The following PCDH15 variants were observed in gnomAD, a reference collection of about 807,000 sequenced individuals.
The protein encoded by PCDH15 is protocadherin related 15.
A neutral mutation model predicts 178.5 loss-of-function variants in PCDH15; 129 were observed. The observed-to-expected ratio is 0.72, with a 90% CI of 0.63 to 0.84. The LOEUF (loss-of-function observed/expected upper bound fraction) is 0.84. Ranked by LOEUF, PCDH15 falls within the 40% of genes least tolerant of loss-of-function variation. The probability of loss-of-function intolerance (pLI) is 0.00; values close to 1 mark genes in which losing one functional copy is unlikely to be tolerated. For missense variants in PCDH15, 2,230 were observed against 2,099.9 expected (o/e 1.06, Z -1.21); for synonymous variants, 800 against 732.0 (o/e 1.09, Z -1.50).
At chr10:55,408,374 C>CG (rs1457407382) in intron 2 of PCDH15, among the ~76,000 whole-genome samples, 1 of 151,758 alleles carries the variant, frequency 6.6e-6, no homozygotes. Flanking sequence ...TTAGTAGAGA[C>CG]GGGGATTCAC....
At chr10:54,523,582 A>T (rs1398367305) in intron 3 of PCDH15, among the ~76,000 whole-genome samples, 8 of 152,172 alleles carry the variant, frequency 5.3e-5, no homozygotes, top group Non-Finnish European at 1.2e-4. Context: ...TGAATTACAT[A>T]AGTAATTCAA....
intron 21 of PCDH15, among the ~76,000 whole-genome samples, chr10:53,970,278 G>A (rs1421714909): frequency 6.6e-6 from 1 of 152,046 alleles, no homozygotes; most frequent in Non-Finnish European, 1.5e-5. Context: ...ATTACATAAT[G>A]GTAAAGGGAT....
chr10:54,124,970 G>T (rs2132934735), intron 15 of PCDH15, among the ~76,000 whole-genome samples: 1 of 152,340 alleles, frequency 6.6e-6, no homozygotes, highest in Admixed American at 6.5e-5. Context: ...CAAGGCAGCA[G>T]AAATTTTTCC....
intron 13 of PCDH15, among the ~76,000 whole-genome samples, chr10:54,166,846 A>G (rs1482959373): frequency 6.6e-6 from 1 of 152,116 alleles, no homozygotes; most frequent in African/African-American, 2.4e-5. Flanking sequence ...TCCTTGCCTT[A>G]AGTGATGACA....
intron 1 of PCDH15, among the ~76,000 whole-genome samples, chr10:54,691,878 A>G (rs1301797008): frequency 6.6e-6 from 1 of 152,138 alleles, no homozygotes; most frequent in Non-Finnish European, 1.5e-5. Context: ...ATGAGAACAG[A>G]AAAGTCAGCA....
At chr10:55,235,596 G>C (rs971608391) in intron 1 of PCDH15, among the ~76,000 whole-genome samples, 1 of 151,918 alleles carries the variant, frequency 6.6e-6, no homozygotes, top group Non-Finnish European at 1.5e-5. Context: ...CATTCACCCA[G>C]GGACCATAAG....
At chr10:54,752,492 C>CAAAAAAAAAAAAAAAAAAA (rs1227186569) in intron 1 of PCDH15, among the ~76,000 whole-genome samples, 1 of 67,782 alleles carries the variant, frequency 1.5e-5, no homozygotes, top group Non-Finnish European at 3.3e-5. Context: ...AAAAAAAAAA[C>CAAAAAAAAAAAAAAAAAAA]AAAAAACAAA....
chr10:53,931,991 A>C (rs1190671198), intron 25 of PCDH15, among the ~76,000 whole-genome samples: 1 of 152,150 alleles, frequency 6.6e-6, no homozygotes, highest in East Asian at 1.9e-4. Context: ...GAGATTATGG[A>C]GAAAAGGCAT....
intron 2 of PCDH15, among the ~76,000 whole-genome samples, chr10:54,910,069 T>C (rs1190211937): frequency 1.3e-5 from 2 of 152,082 alleles, no homozygotes; most frequent in East Asian, 1.9e-4. Context: ...GTCCTGCCCA[T>C]CTGTGCGAGG....
chr10:55,315,101 GT>G (rs1472110705), intron 1 of PCDH15, among the ~76,000 whole-genome samples: 6 of 151,942 alleles, frequency 3.9e-5, no homozygotes, highest in African/African-American at 1.4e-4. Context: ...TATTCTTCTA[GT>G]TAATATATAT....
intron 2 of PCDH15, among the ~76,000 whole-genome samples, chr10:55,050,172 T>C (rs781231641): frequency 1.3e-5 from 2 of 151,984 alleles, no homozygotes; most frequent in African/African-American, 4.8e-5. Context: ...GTTTAACCCA[T>C]ATAGAAAAAA....
chr10:54,296,001 C>T lies in PCDH15; in HGVS notation c.876+21270G>A, dbSNP rs376394730. 3.6e-4 allele frequency among the ~76,000 whole-genome samples: 55 copies of T among 150,784 alleles called. 2 individuals carry two copies. The South Asian group carries it at 4.6e-3, about 13-fold the overall frequency. ...CTACTAAAAAATACAAAAAATTAGCCGGGCGTAGTGGCGGGCGCCTGTGGT... is the reference window on the plus strand; with the variant it reads ...CTACTAAAAAATACAAAAAATTAGCTGGGCGTAGTGGCGGGCGCCTGTGGT... On this transcript the variant is annotated intron_variant, in intron 8 of 37. Coordinates refer to ENST00000644397, the MANE Select transcript of PCDH15 (RefSeq NM_001384140.1).
At chr10:53,925,778 T>G (rs1445228693) in intron 25 of PCDH15, among the ~76,000 whole-genome samples, 3 of 152,308 alleles carry the variant, frequency 2.0e-5, no homozygotes, top group African/African-American at 7.2e-5. Flanking sequence ...GTGTGCAAAT[T>G]AAGTTTTTTT....
intron 1 of PCDH15, among the ~76,000 whole-genome samples, chr10:54,793,084 T>A (rs970265507): frequency 6.6e-6 from 1 of 151,726 alleles, no homozygotes; most frequent in African/African-American, 2.4e-5. Context: ...ACTCCACTAC[T>A]CCATGTCACC....
At position 53,822,665 on chromosome 10, in the gene PCDH15, A is replaced by G; in HGVS notation, c.4368-2435T>C. The stretch of plus-strand genomic sequence containing the variant: ...ACTCAGCAGGAGAACTGATGACATT[A>G]GGTTCTGATTTGAGTTCCACAGTTC... On this transcript the variant is annotated intron_variant, in intron 32 of 37. Transcript: ENST00000644397. 1 of 1,614,050 alleles carries G rather than the reference A, an allele frequency of 6.2e-7. No individual in the cohort carries two copies. The highest frequency in any genetic ancestry group is 2.2e-5 in the East Asian group (1 of 44,870).
chr10:54,236,787 A>T (rs1487256576), intron 9 of PCDH15, 36 bp downstream of exon 9: 1 of 1,480,524 alleles, frequency 6.8e-7, no homozygotes, highest in Admixed American at 1.7e-5. Context: ...AAGATTCTAG[A>T]ATAACTGATA....
At chr10:54,593,263 A>G (rs2091994079) in intron 2 of PCDH15, among the ~76,000 whole-genome samples, 1 of 152,092 alleles carries the variant, frequency 6.6e-6, no homozygotes, top group Non-Finnish European at 1.5e-5. Context: ...AATGACAAGA[A>G]TCTTTTTCCT....
intron 2 of PCDH15, among the ~76,000 whole-genome samples, chr10:55,103,742 A>C (rs1310960697): frequency 6.6e-6 from 1 of 152,014 alleles, no homozygotes; most frequent in East Asian, 1.9e-4. Context: ...ATGACTCCCT[A>C]ATCTAGAGGC....
intron 2 of PCDH15, among the ~76,000 whole-genome samples, chr10:54,922,660 T>C (rs1049594082): frequency 5.9e-5 from 9 of 152,062 alleles, no homozygotes; most frequent in African/African-American, 1.9e-4. Context: ...CCAAATCTCA[T>C]GTTGAATTAT....
Sources: gnomAD v4.1 joint callset for allele counts (sites outside exome capture counted in the v4.1 genomes callset) on GRCh38, gnomAD v4.1.1 for gene constraint, MANE v1.5 for transcripts, NCBI Gene and HGNC (gene_info 2026-07-23, HGNC 2026-07-21) for gene names.